The following ADAM21 variants were observed in gnomAD, a reference collection of about 807,000 sequenced individuals.
The protein encoded by ADAM21 is ADAM metallopeptidase domain 21, also known as disintegrin and metalloproteinase domain-containing protein 21.
For synonymous variants in ADAM21, 262 were observed against 306.0 expected, an observed-to-expected ratio of 0.86 and a Z score of 1.50; for missense variants, 678 against 874.4, an observed-to-expected ratio of 0.78 and a Z score of 2.83.
chr14:70,454,908 T>G, intron 1 of ADAM21, among the ~76,000 whole-genome samples: 1 of 152,182 alleles, frequency 6.6e-6, no homozygotes, highest in African/African-American at 2.4e-5. Flanking sequence ...TAGTCAGATA[T>G]TGCAGGATAA....
chr14:70,457,766 G>A lies in ADAM21; in HGVS notation c.267G>A (p.Val89=), dbSNP rs1299348267. 6.2e-7 allele frequency: 1 copy of A among 1,613,304 alleles called. No homozygotes were observed. Among genetic ancestry groups the A allele is most frequent in the Non-Finnish European group, 8.5e-7 (1 of 1,179,670 alleles). The change falls in exon 2 of 2, where the codon GTG becomes GTA. Residue 89 remains valine, a synonymous_variant. Coordinates refer to ENST00000603540, the MANE Select transcript of ADAM21 (RefSeq NM_003813.4). The part of the protein sequence containing the change: ...KKLLVSRHLP[V]FTYTDDRALL... ...TCTTAGTTTCTAGACACCTCCCAGT[G>A]TTCACCTACACAGATGACCGTGCAC...
Position 70,458,146 on chromosome 14 carries a change from T to C in ADAM21, c.647T>C (p.Val216Ala). Reference sequence around the variant, plus strand: ...TGGTTTCTGGAGCTAGTTGTTGTGGTGAACCATGATTTCTTCATTTACTCT... The same window carrying C: ...TGGTTTCTGGAGCTAGTTGTTGTGGCGAACCATGATTTCTTCATTTACTCT... ...HAWFLELVVV[V>A]NHDFFIYSQS... The change falls in exon 2 of 2, where the codon GTG (valine) becomes GCG (alanine). Residue 216 changes from valine (V) to alanine (A), a missense_variant. Coordinates refer to ENST00000603540, the MANE Select transcript of ADAM21 (RefSeq NM_003813.4). 3 of 1,613,818 alleles carry C rather than the reference T, an allele frequency of 1.9e-6. No individual in the cohort carries two copies. The highest frequency in any genetic ancestry group is 1.7e-6 in the Non-Finnish European group (2 of 1,179,820).
chr14:70,454,407 T>C (rs1316546838), intron 1 of ADAM21, among the ~76,000 whole-genome samples: 1 of 151,972 alleles, frequency 6.6e-6, no homozygotes, highest in Admixed American at 6.6e-5. Flanking sequence ...TCCCCGACAA[T>C]CTCTGTCACA....
chr14:70,453,035 CGTGTGT>C (rs10676561), intron 1 of ADAM21, among the ~76,000 whole-genome samples: 1 of 148,610 alleles, frequency 6.7e-6, no homozygotes, highest in African/African-American at 2.5e-5. Context: ...TTGAATTTGG[CGTGTGT>C]GTGTGTGTGT....
Position 70,457,525 on chromosome 14 carries a change from A to T in ADAM21, c.26A>T (p.Tyr9Phe). 1 of 1,594,272 alleles carries T rather than the reference A, an allele frequency of 6.3e-7. No homozygotes were observed. Among genetic ancestry groups the T allele is most frequent in the Non-Finnish European group, 8.6e-7 (1 of 1,168,704 alleles). The change falls in exon 2 of 2, where the codon TAC becomes TTC. Residue 9 changes from tyrosine (Y) to phenylalanine (F), a missense_variant. Coordinates refer to ENST00000603540, the MANE Select transcript of ADAM21 (RefSeq NM_003813.4). MAVDGTLV[Y>F]IRVTLLLLWL... ...ATGGCAGTGGATGGGACCCTCGTGTACATCAGAGTCACTCTTCTGCTGCTC... is the reference window on the plus strand; with the variant it reads ...ATGGCAGTGGATGGGACCCTCGTGTTCATCAGAGTCACTCTTCTGCTGCTC...
Position 70,458,973 on chromosome 14 carries a change from G to T in ADAM21, c.1474G>T (p.Asp492Tyr). Residue 492 changes from aspartate to tyrosine, a missense_variant, in exon 2 of 2, where the codon GAC becomes TAC. Physicochemically the swap from Asp to Tyr is radical, Grantham distance 160 (BLOSUM62 -3). Transcript: ENST00000603540. ...HQCPEDRYVQDGIPCSDSAYC... is the reference protein window; with the variant it reads ...HQCPEDRYVQYGIPCSDSAYC... ...GTGTCCAGAAGATAGATATGTGCAG[G>T]ACGGGATCCCCTGTAGTGACAGTGC... is the stretch of plus-strand genomic sequence containing the variant. 6.2e-7 allele frequency: 1 copy of T among 1,614,144 alleles called. No homozygotes were observed. Among genetic ancestry groups the T allele is most frequent in the South Asian group, 1.1e-5 (1 of 91,066 alleles).
intron 1 of ADAM21, among the ~76,000 whole-genome samples, chr14:70,453,111 C>G (rs1889061689): frequency 6.6e-6 from 1 of 152,138 alleles, no homozygotes; most frequent in African/African-American, 2.4e-5. Context: ...TGGCTTTACA[C>G]ACACTTACAC....
intron 1 of ADAM21, among the ~76,000 whole-genome samples, chr14:70,455,510 C>T (rs1889091939): frequency 1.3e-5 from 2 of 152,060 alleles, no homozygotes. Flanking sequence ...AAAGAAGCTG[C>T]AACAAATTAT....
intron 1 of ADAM21, among the ~76,000 whole-genome samples, chr14:70,454,306 ATT>A (rs35021030): frequency 1.4e-5 from 2 of 146,974 alleles, no homozygotes; most frequent in African/African-American, 2.5e-5. Flanking sequence ...TGGTTTTGGG[ATT>A]TTTTTTTTTT....
rs1172972419 is a variant in ADAM21 at position 70,458,464 on chromosome 14, G to A, written c.965G>A (p.Cys322Tyr). ...GGAATATGTCGTCCACCTATTGATT[G>A]TGGAGTTGATAATTTTCAAGGAGAT... Reference protein sequence around the residue: ...VAGICRPPIDCGVDNFQGDTW... With the variant: ...VAGICRPPIDYGVDNFQGDTW... Residue 322 changes from cysteine (C) to tyrosine (Y), a missense_variant, in exon 2 of 2, where the codon TGT becomes TAT. Physicochemically the swap from Cys to Tyr is radical, Grantham distance 194. Coordinates refer to ENST00000603540, the MANE Select transcript of ADAM21 (RefSeq NM_003813.4). 1.9e-6 allele frequency: 3 copies of A among 1,613,938 alleles called. No homozygotes were observed. Among genetic ancestry groups the A allele is most frequent in the Non-Finnish European group, 2.5e-6 (3 of 1,180,026 alleles).
chr14:70,452,848 T>C (rs1188094450), intron 1 of ADAM21, among the ~76,000 whole-genome samples: 1 of 152,038 alleles, frequency 6.6e-6, no homozygotes, highest in East Asian at 1.9e-4. Flanking sequence ...ATAGATAAAG[T>C]AGTAGAAGAT....
intron 1 of ADAM21, among the ~76,000 whole-genome samples, chr14:70,455,047 G>C (rs1289080857): frequency 6.6e-6 from 1 of 152,160 alleles, no homozygotes; most frequent in Admixed American, 6.5e-5. Context: ...TTAAAGCTCA[G>C]GTTCAATACG....
intron 1 of ADAM21, among the ~76,000 whole-genome samples, chr14:70,454,759 T>C (rs1479765414): frequency 2.0e-5 from 3 of 152,064 alleles, no homozygotes; most frequent in Non-Finnish European, 4.4e-5. Flanking sequence ...TTCAGATGGG[T>C]TTTCTATATA....
chr14:70,455,967 G>T (rs961323619), intron 1 of ADAM21, among the ~76,000 whole-genome samples: 1 of 152,070 alleles, frequency 6.6e-6, no homozygotes, highest in Non-Finnish European at 1.5e-5. Flanking sequence ...CCCTTACAGG[G>T]TCTTTATAGA....
In ADAM21 at chr14:70,455,959, C is replaced by A. The variant is rs545559324; in HGVS notation, c.-151-1390C>A. 1.1e-4 allele frequency among the ~76,000 whole-genome samples: 16 copies of A among 152,234 alleles called. No homozygotes were observed. The East Asian group carries it at 3.1e-3, about 29-fold the overall frequency. On this transcript the variant is annotated intron_variant, in intron 1 of 1. Coordinates refer to ENST00000603540, the MANE Select transcript of ADAM21 (RefSeq NM_003813.4). The stretch of plus-strand genomic sequence containing the variant: ...TTTCATAAAGTCCATTGCTGAGCCC[C>A]TTACAGGGTCTTTATAGAGGTCTGT...
At chr14:70,454,486 G>A (rs571658550) in intron 1 of ADAM21, among the ~76,000 whole-genome samples, 1 of 152,162 alleles carries the variant, frequency 6.6e-6, no homozygotes, top group African/African-American at 2.4e-5. Flanking sequence ...TAGCAGAGCT[G>A]AATGGATTGG....
Position 70,457,612 on chromosome 14 carries a change from C to T in ADAM21, c.113C>T (p.Thr38Ile), listed in dbSNP as rs1882437357. ...YCQAGPSQHF[T>I]SPEVVIPLKV... ...CAGGCTGGGCCCTCCCAGCATTTCA[C>T]TTCCCCGGAAGTGGTGATCCCCTTG... is the stretch of plus-strand genomic sequence containing the variant. The change falls in exon 2 of 2, where the codon ACT becomes ATT. Residue 38 changes from threonine to isoleucine, a missense_variant. Transcript: ENST00000603540. The T allele has an allele frequency of 6.2e-7, 1 of 1,614,016 alleles. No individual in the cohort carries two copies. The highest frequency in any genetic ancestry group is 8.5e-7 in the Non-Finnish European group (1 of 1,179,966).
intron 1 of ADAM21, among the ~76,000 whole-genome samples, chr14:70,454,115 C>G (rs912834363): frequency 6.6e-6 from 1 of 152,122 alleles, no homozygotes; most frequent in African/African-American, 2.4e-5. Flanking sequence ...ATGAGGAAAA[C>G]TCAGAAGATT....
chr14:70,459,130 G>A lies in ADAM21; in HGVS notation c.1631G>A (p.Gly544Asp). 5 of 1,612,866 alleles carry A rather than the reference G, an allele frequency of 3.1e-6. No homozygotes were observed. The highest frequency in any genetic ancestry group is 4.2e-6 in the Non-Finnish European group (5 of 1,179,344). ...CAGGGAAACCGTTTTGGTCACTGTG[G>A]TATAAATGGCACAACATACCTAAAA... ...NSQGNRFGHCGINGTTYLKCH... is the reference protein window; with the variant it reads ...NSQGNRFGHCDINGTTYLKCH... Residue 544 changes from glycine to aspartate, a missense_variant, in exon 2 of 2, where the codon GGT becomes GAT. By Grantham distance (94) the Gly-to-Asp change is moderately conservative (BLOSUM62 -1). Transcript: ENST00000603540.
Sources: allele counts gnomAD v4.1 joint callset (sites outside exome capture counted in the v4.1 genomes callset), GRCh38; gene constraint gnomAD v4.1.1; transcripts MANE v1.5; gene names NCBI Gene and HGNC (gene_info 2026-07-23, HGNC 2026-07-21).